The following CTDP1 variants were observed in gnomAD, a reference collection of about 807,000 sequenced individuals.
CTDP1 encodes the protein RNA polymerase II subunit A C-terminal domain phosphatase.
CTDP1 carries 47 observed loss-of-function variants against 91.8 expected under a neutral mutation model. The observed-to-expected ratio is 0.51, with a 90% CI of 0.41 to 0.65. The LOEUF (loss-of-function observed/expected upper bound fraction) is 0.65, where lower values mean the gene tolerates loss of function less well. CTDP1 is among the 30% of genes least tolerant of loss of function. CTDP1 has a pLI of 0.00. For synonymous variants in CTDP1, 656 were observed against 598.5 expected (o/e 1.10, Z -1.40); for missense variants, 1,272 against 1,373.7 (o/e 0.93, Z 1.17).
intron 12 of CTDP1, among the ~76,000 whole-genome samples, chr18:79,737,630 C>T (rs549054158): frequency 1.3e-5 from 2 of 152,120 alleles, no homozygotes; most frequent in South Asian, 2.1e-4. Context: ...GTCCCCGTCC[C>T]GCATCCCCCA....
intron 5 of CTDP1, among the ~76,000 whole-genome samples, chr18:79,709,353 A>G (rs1227870652): frequency 6.6e-6 from 1 of 152,242 alleles, no homozygotes; most frequent in East Asian, 1.9e-4. Flanking sequence ...AAGATAACAC[A>G]GTAGGCTTAA....
chr18:79,703,044 T>C (rs2060984914), intron 4 of CTDP1: 1 of 152,264 alleles, frequency 6.6e-6, no homozygotes, highest in Admixed American at 6.5e-5. Context: ...CTGAAAGCAA[T>C]TTCAGGGATC....
At chr18:79,708,601 A>G (rs1339348736) in intron 5 of CTDP1, among the ~76,000 whole-genome samples, 1 of 152,188 alleles carries the variant, frequency 6.6e-6, no homozygotes, top group African/African-American at 2.4e-5. Flanking sequence ...TCTTGAGAGA[A>G]TGTGGGCTGC....
Position 79,699,848 on chromosome 18 carries a change from G to A in CTDP1, c.621+1860G>A, listed in dbSNP as rs138759791. Among the ~76,000 whole-genome samples the A allele has an allele frequency of 8.0e-3, 1,216 of 152,260 alleles. 14 individuals are homozygous for A. The highest frequency in any genetic ancestry group is 0.028 in the African/African-American group (1,149 of 41,532). On this transcript the variant is annotated intron_variant, in intron 4 of 12. Transcript: ENST00000613122. ...CATGTGCCCCCAGGTGTTGTGCCAC[G>A]CTCTGGAAATTTCCCGTGTACTTCA...
At position 79,680,240 on chromosome 18, in the gene CTDP1, C is replaced by A; in HGVS notation, c.293C>A (p.Pro98Gln). 1.5e-6 allele frequency: 2 copies of A among 1,309,880 alleles called. No individual in the cohort carries two copies. The highest frequency in any genetic ancestry group is 1.9e-6 in the Non-Finnish European group (2 of 1,034,308). 81.1% of individuals were successfully genotyped at this position (1,309,880 alleles called of 1,614,324 possible). A position where few individuals can be genotyped will look rare whatever the true frequency, so the allele number is the denominator to read the frequency against. Residue 98 changes from proline (P) to glutamine (Q), a missense_variant, in exon 1 of 13, where the codon CCG (proline) becomes CAG (glutamine). Around this residue, in one of 3 missense-constraint regions of CTDP1, gnomAD observed 214 missense variants for 179.1 expected, o/e 1.19. Coordinates refer to ENST00000613122, the MANE Select transcript of CTDP1 (RefSeq NM_004715.5). The stretch of plus-strand genomic sequence containing the variant: ...GTGGTGCGGGAGCTGTGCGCGCAGC[C>A]GGGCCAGGTGGTCGCCCCAGGGTGA... ...AGVVRELCAQ[P>Q]GQVVAPGAVL...
Position 79,679,963 on chromosome 18 carries a change from G to A in CTDP1, c.16G>A (p.Ala6Thr), listed in dbSNP as rs2085321702. 3 of 1,380,458 alleles carry A rather than the reference G, an allele frequency of 2.2e-6. No individual in the cohort carries two copies. Among genetic ancestry groups the A allele is most frequent in the African/African-American group, 1.5e-5 (1 of 65,850 alleles). 85.5% of individuals were successfully genotyped at this position (1,380,458 alleles called of 1,614,324 possible). ...TCTGTCCGCGATGGAGGTGCCGGCC[G>A]CGGGTCGCGTTCCTGCCGAGGGCGC... MEVPA[A>T]GRVPAEGAPT... Residue 6 changes from alanine to threonine, a missense_variant, in exon 1 of 13, where the codon GCG (alanine) becomes ACG (threonine). Transcript: ENST00000613122.
At position 79,681,889 on chromosome 18, in the gene CTDP1, G is replaced by A. The variant is rs2085377154; in HGVS notation, c.314+1628G>A. 2.6e-5 allele frequency among the ~76,000 whole-genome samples: 4 copies of A among 152,174 alleles called. No individual in the cohort carries two copies. In the South Asian group the frequency reaches 8.3e-4, roughly 32 times the overall value. On this transcript the variant is annotated intron_variant, in intron 1 of 12. Transcript: ENST00000613122. ...GAGGTGGCTTCTTCCCCGTTTCTGT[G>A]TACTCCTGTGGGTTTGTGTACATGG...
chr18:79,705,405 G>T (rs2122563096), intron 5 of CTDP1, among the ~76,000 whole-genome samples: 1 of 152,308 alleles, frequency 6.6e-6, no homozygotes, highest in East Asian at 1.9e-4. Context: ...CCAGCAGGAC[G>T]AATCGAGGGG....
At chr18:79,676,959 C>A (rs901563499), upstream of CTDP1, among the ~76,000 whole-genome samples, 16 of 152,240 alleles carry the variant, frequency 1.1e-4, no homozygotes, top group African/African-American at 3.9e-4. Context: ...GGCATCTATC[C>A]AGGTTGGAGT....
chr18:79,718,092 G>A, intron 10 of CTDP1, 76 bp downstream of exon 10: 4 of 1,551,016 alleles, frequency 2.6e-6, no homozygotes, highest in African/African-American at 1.4e-5. Context: ...TTGGGGGGAT[G>A]GCGTCAGTTG....
chr18:79,744,319 C>G (rs545416896), intron 12 of CTDP1, among the ~76,000 whole-genome samples: 3 of 152,330 alleles, frequency 2.0e-5, no homozygotes, highest in East Asian at 3.9e-4. Context: ...GCAAAATAAA[C>G]TTTTTAAGTT....
At chr18:79,735,035 T>C (rs945258957) in intron 11 of CTDP1, among the ~76,000 whole-genome samples, 3 of 152,134 alleles carry the variant, frequency 2.0e-5, no homozygotes, top group African/African-American at 7.2e-5. Context: ...GGCGATGAGT[T>C]TGAAATTGCA....
Position 79,704,784 on chromosome 18 carries a change from G to A in CTDP1, c.639G>A (p.Gln213=), listed in dbSNP as rs376898078. Residue 213 remains glutamine (Q), a synonymous_variant, in exon 5 of 13, where the codon CAG becomes CAA. Coordinates refer to ENST00000613122, the MANE Select transcript of CTDP1 (RefSeq NM_004715.5). The part of the protein sequence containing the change: ...QMSNKGIFHF[Q]LGRGEPMLHT... ...CTTTTTAGGGCATCTTTCACTTCCA[G>A]CTGGGCCGGGGTGAGCCCATGCTGC... 11 of 1,613,746 alleles carry A rather than the reference G, an allele frequency of 6.8e-6. No individual in the cohort carries two copies. Among genetic ancestry groups the A allele is most frequent in the African/African-American group, 4.0e-5 (3 of 74,944 alleles).
chr18:79,733,906 G>A (rs562744253), intron 11 of CTDP1, among the ~76,000 whole-genome samples: 11 of 152,158 alleles, frequency 7.2e-5, no homozygotes, highest in African/African-American at 2.6e-4. Context: ...CCAACACTTA[G>A]GTATGAATTC....
upstream of CTDP1, chr18:79,679,416 G>A (rs943824946): frequency 2.2e-6 from 1 of 456,002 alleles, no homozygotes; most frequent in Admixed American, 2.4e-5. Context: ...GAGTGGAGGA[G>A]AGCGGCTCGC....
In CTDP1 at chr18:79,736,361, G is replaced by A. The variant is rs1276825829; in HGVS notation, c.2587G>A (p.Asp863Asn). The A allele has an allele frequency of 5.8e-6, 9 of 1,549,054 alleles. No homozygotes were observed. Among genetic ancestry groups the A allele is most frequent in the East Asian group, 2.4e-5 (1 of 40,932 alleles). Reference sequence around the variant, plus strand: ...ACTCTTGGCTGTTTGTCAGGTGGACGACATCCTTGGAGAAGGCAGCGACGA... The same window carrying A: ...ACTCTTGGCTGTTTGTCAGGTGGACAACATCCTTGGAGAAGGCAGCGACGA... ...DLESMDKEVD[D>N]ILGEGSDDSD... The change falls in exon 12 of 13, where the codon GAC (aspartate) becomes AAC (asparagine). Residue 863 changes from aspartate (D) to asparagine (N), a missense_variant. Coordinates refer to ENST00000613122, the MANE Select transcript of CTDP1 (RefSeq NM_004715.5).
chr18:79,683,924 G>T (rs1201245832), intron 1 of CTDP1, among the ~76,000 whole-genome samples: 1 of 152,248 alleles, frequency 6.6e-6, no homozygotes. Flanking sequence ...GGACCGGGGG[G>T]TGCCTACCCA....
chr18:79,708,514 G>A (rs1467806539), intron 5 of CTDP1, among the ~76,000 whole-genome samples: 5 of 151,960 alleles, frequency 3.3e-5, no homozygotes, highest in Non-Finnish European at 2.9e-5. Context: ...CAGGCGTTCC[G>A]GGGTGCATTC....
intron 5 of CTDP1, among the ~76,000 whole-genome samples, chr18:79,708,106 A>G (rs1245392183): frequency 6.6e-6 from 1 of 152,206 alleles, no homozygotes; most frequent in East Asian, 1.9e-4. Context: ...AACCAGTGGT[A>G]TCAGGGAACG....
Sources: allele counts gnomAD v4.1 joint callset (sites outside exome capture counted in the v4.1 genomes callset), GRCh38; gene constraint gnomAD v4.1.1; regional missense constraint gnomAD v4.1.1; transcripts MANE v1.5; gene names NCBI Gene and HGNC (gene_info 2026-07-23, HGNC 2026-07-21).